The following GRAMD1B variants were observed in gnomAD, a reference collection of about 807,000 sequenced individuals.
GRAMD1B encodes GRAM domain containing 1B, also known as protein Aster-B.
GRAMD1B carries 37 observed loss-of-function variants against 99.7 expected under a neutral mutation model. The observed-to-expected ratio is 0.37, with a 90% confidence interval of 0.29 to 0.49. GRAMD1B has a LOEUF of 0.49. GRAMD1B is among the 20% of genes least tolerant of loss of function. The probability of loss-of-function intolerance (pLI) is 0.98; values close to 1 mark genes in which losing one functional copy is unlikely to be tolerated. For missense variants in GRAMD1B, 888 were observed against 1,009.2 expected (o/e 0.88, Z 1.63); for synonymous variants, 427 against 387.6 (o/e 1.10, Z -1.19).
intron 1 of GRAMD1B, among the ~76,000 whole-genome samples, chr11:123,451,018 G>T (rs1338673782): frequency 6.6e-6 from 1 of 152,152 alleles, no homozygotes; most frequent in Non-Finnish European, 1.5e-5. Flanking sequence ...AAGAAGGAAG[G>T]TAGAGAGGAA....
intron 2 of GRAMD1B, among the ~76,000 whole-genome samples, chr11:123,554,062 G>A (rs1432135943): frequency 6.6e-6 from 1 of 152,136 alleles, no homozygotes; most frequent in African/African-American, 2.4e-5. Context: ...GTTTGGGGCA[G>A]CACTGCAGAA....
intron 1 of GRAMD1B, chr11:123,454,575 G>A (rs1241429538): frequency 6.6e-6 from 1 of 152,206 alleles, no homozygotes; most frequent in Non-Finnish European, 1.5e-5. Flanking sequence ...AACTAGCCAT[G>A]GGGATGTTCT....
chr11:123,567,566 G>A (rs1592043654), intron 2 of GRAMD1B, among the ~76,000 whole-genome samples: 1 of 152,158 alleles, frequency 6.6e-6, no homozygotes, highest in Non-Finnish European at 1.5e-5. Context: ...GGGAAAAGTG[G>A]GTCAGGCTGT....
chr11:123,425,356 C>G (rs1191682600), upstream of GRAMD1B, among the ~76,000 whole-genome samples: 1 of 152,188 alleles, frequency 6.6e-6, no homozygotes, highest in Non-Finnish European at 1.5e-5. Flanking sequence ...GGGGCGACCT[C>G]AGAAAGTCTT....
intron 19 of GRAMD1B, among the ~76,000 whole-genome samples, chr11:123,621,509 G>A (rs528331275): frequency 2.0e-5 from 3 of 152,352 alleles, no homozygotes; most frequent in East Asian, 3.9e-4. Flanking sequence ...ACCAAGCAAC[G>A]AAAGATGACT....
intron 1 of GRAMD1B, among the ~76,000 whole-genome samples, chr11:123,467,012 A>C (rs1023326345): frequency 4.6e-5 from 7 of 152,206 alleles, no homozygotes; most frequent in African/African-American, 7.2e-5. Flanking sequence ...CATTTGAGGA[A>C]TATAATGGGG....
chr11:123,548,340 A>ACACACACACACACACC (rs1213730583), intron 2 of GRAMD1B, among the ~76,000 whole-genome samples: 1 of 119,476 alleles, frequency 8.4e-6, no homozygotes, highest in Non-Finnish European at 1.6e-5. Flanking sequence ...ACACACACAC[A>ACACACACACACACACC]CACACACACA....
intron 11 of GRAMD1B, chr11:123,608,457 G>T: frequency 6.6e-7 from 1 of 1,504,558 alleles, no homozygotes. Context: ...AGGAAATGGT[G>T]TGCATCCCAG....
chr11:123,436,915 C>A (rs1037578391), intron 1 of GRAMD1B, among the ~76,000 whole-genome samples: 1 of 152,150 alleles, frequency 6.6e-6, no homozygotes, highest in Admixed American at 6.6e-5. Flanking sequence ...CACCCTACCC[C>A]ACAACAGGCC....
intron 1 of GRAMD1B, among the ~76,000 whole-genome samples, chr11:123,434,260 A>G (rs375658382): frequency 1.4e-5 from 2 of 144,550 alleles, no homozygotes; most frequent in African/African-American, 5.1e-5. Context: ...AAAAACCACC[A>G]CCAACAAAAA....
rs767104181 is a variant in GRAMD1B at position 123,449,714 on chromosome 11, C to CT, written c.374+18565dup. ...TGCAGATGCATGCCACCATGCCTGG[C>CT]TTTTTTTTTTTTTTTTTGAGACAGG... On this transcript the variant is annotated intron_variant, in intron 1 of 19. Transcript: ENST00000635736. Among the ~76,000 whole-genome samples, 452 of 99,960 alleles carry CT rather than the reference C, an allele frequency of 4.5e-3. 27 individuals are homozygous for CT. The highest frequency in any genetic ancestry group is 7.0e-3 in the African/African-American group (178 of 25,542). 65.6% of individuals were successfully genotyped at this position (99,960 alleles called of 152,430 possible).
rs990516493 is a variant in GRAMD1B at position 123,626,652 on chromosome 11, C to T, written c.*4057C>T. 2 of 152,322 alleles carry T rather than the reference C, an allele frequency of 1.3e-5. No individual in the cohort carries two copies. Among genetic ancestry groups the T allele is most frequent in the African/African-American group, 2.4e-5 (1 of 41,406 alleles). The allele number at this position is 152,322 out of a possible 1,614,324, so 9.4% of individuals were successfully genotyped here. A position where few individuals can be genotyped will look rare whatever the true frequency, so the allele number is the denominator to read the frequency against. On this transcript the variant is annotated 3_prime_UTR_variant, in exon 20 of 20. Coordinates refer to ENST00000635736, the MANE Select transcript of GRAMD1B (RefSeq NM_001387025.1). ...CCTGCCTGCCTCCTCCAGGAGGAATCTCCGGGGCCCCTTCCTGACTCTCCC... is the reference window on the plus strand; with the variant it reads ...CCTGCCTGCCTCCTCCAGGAGGAATTTCCGGGGCCCCTTCCTGACTCTCCC...
chr11:123,442,857 GC>G (rs35315951), intron 1 of GRAMD1B, among the ~76,000 whole-genome samples: 62,084 of 150,946 alleles, frequency 0.41, 13,219 homozygotes, highest in Non-Finnish European at 0.44. Flanking sequence ...GATTATTTAT[GC>G]CCCCCCCCAC....
rs547161492 is a variant in GRAMD1B, at chr11:123,625,310, A to G, written c.*2715A>G. On this transcript the variant is annotated 3_prime_UTR_variant, in exon 20 of 20. Coordinates refer to ENST00000635736, the MANE Select transcript of GRAMD1B (RefSeq NM_001387025.1). ...TATTGTTCGTTTTAGTTTACTGGGG[A>G]CACACAGGAGTCTTTCTGTAATGAC... 1 of 152,314 alleles carries G rather than the reference A, an allele frequency of 6.6e-6. No homozygotes were observed. The highest frequency in any genetic ancestry group is 6.5e-5 in the Admixed American group (1 of 15,296). The allele number at this position is 152,314 out of a possible 1,614,324, so 9.4% of individuals were successfully genotyped here. A position where few individuals can be genotyped will look rare whatever the true frequency, so the allele number is the denominator to read the frequency against.
intron 2 of GRAMD1B, among the ~76,000 whole-genome samples, chr11:123,546,346 T>A (rs554303018): frequency 6.6e-6 from 1 of 152,350 alleles, no homozygotes; most frequent in East Asian, 1.9e-4. Flanking sequence ...TCCAAGCTTT[T>A]ATTATAACTT....
intron 9 of GRAMD1B, 71 bp from the exon 10 acceptor site, chr11:123,605,251 T>G: frequency 1.6e-5 from 18 of 1,123,026 alleles, no homozygotes; most frequent in Non-Finnish European, 2.0e-5. Context: ...TAGAAAGGTC[T>G]GAGATTCTTA....
intron 12 of GRAMD1B, among the ~76,000 whole-genome samples, chr11:123,609,170 C>T (rs945511499): frequency 1.3e-5 from 2 of 152,178 alleles, no homozygotes; most frequent in African/African-American, 4.8e-5. Flanking sequence ...CTCATTCAGA[C>T]CTCACAGCTA....
In GRAMD1B at chr11:123,608,757, A is replaced by G. The variant is rs1416610584; in HGVS notation, c.1612A>G (p.Asn538Asp). Residue 538 changes from asparagine to aspartate, a missense_variant, in exon 12 of 20, where the codon AAC (asparagine) becomes GAC (aspartate). Around this residue, in one of 5 missense-constraint regions of GRAMD1B, gnomAD observed 269 missense variants for 296.6 expected, o/e 0.91. Coordinates refer to ENST00000635736, the MANE Select transcript of GRAMD1B (RefSeq NM_001387025.1). The part of the protein sequence containing the change: ...VDKLYDLLFT[N>D]SPFQRDFMEQ... ...CAAGCTCTATGACCTCCTCTTCACCAACTCGCCCTTCCAGCGGGATTTCAT... is the reference window on the plus strand; with the variant it reads ...CAAGCTCTATGACCTCCTCTTCACCGACTCGCCCTTCCAGCGGGATTTCAT... 6 of 1,552,326 alleles carry G rather than the reference A, an allele frequency of 3.9e-6. No individual in the cohort carries two copies. The highest frequency in any genetic ancestry group is 8.7e-7 in the Non-Finnish European group (1 of 1,147,312).
At chr11:123,493,494 C>T (rs1938855061) in intron 2 of GRAMD1B, among the ~76,000 whole-genome samples, 1 of 152,222 alleles carries the variant, frequency 6.6e-6, no homozygotes, top group East Asian at 1.9e-4. Flanking sequence ...TCCCAGTTGC[C>T]AGGGGAAGCC....
Sources: gnomAD v4.1 joint callset for allele counts (sites outside exome capture counted in the v4.1 genomes callset) on GRCh38, gnomAD v4.1.1 for gene constraint, gnomAD v4.1.1 regional missense constraint, MANE v1.5 for transcripts, NCBI Gene and HGNC (gene_info 2026-07-23, HGNC 2026-07-21) for gene names.